The following HPSE2 variants were observed in gnomAD, a reference collection of about 807,000 sequenced individuals.
HPSE2 encodes inactive heparanase-2.
HPSE2 carries 38 observed loss-of-function variants against 60.5 expected under a neutral mutation model. The ratio of observed to expected loss-of-function variants is 0.63; its 90% CI spans 0.48 to 0.82. The LOEUF is 0.82. Among genes scored for constraint, HPSE2 ranks in the 40% least tolerant of loss-of-function variants. HPSE2 has a pLI of 0.00. For missense variants in HPSE2, 713 were observed against 740.4 expected, an observed-to-expected ratio of 0.96 and a Z score of 0.43; for synonymous variants, 295 against 293.2, an observed-to-expected ratio of 1.01 and a Z score of -0.06.
At chr10:98,566,147 C>T (rs1450823921) in intron 9 of HPSE2, among the ~76,000 whole-genome samples, 6 of 152,154 alleles carry the variant, frequency 3.9e-5, no homozygotes, top group African/African-American at 1.4e-4. Flanking sequence ...TTCTTGAATC[C>T]TCACAACCCT....
chr10:98,488,104 G>A (rs1941506264), intron 10 of HPSE2, among the ~76,000 whole-genome samples: 2 of 152,186 alleles, frequency 1.3e-5, no homozygotes, highest in Admixed American at 6.5e-5. Context: ...CAGTGACACC[G>A]TTTCTCTAGA....
chr10:99,020,813 T>C (rs1957245626), intron 3 of HPSE2, among the ~76,000 whole-genome samples: 3 of 152,254 alleles, frequency 2.0e-5, no homozygotes, highest in Admixed American at 6.5e-5. Context: ...AGGGAGACAT[T>C]CTAGGTGATT....
At chr10:98,556,357 G>A (rs1944008041) in intron 9 of HPSE2, among the ~76,000 whole-genome samples, 1 of 152,198 alleles carries the variant, frequency 6.6e-6, no homozygotes, top group African/African-American at 2.4e-5. Context: ...TCGATTCAAA[G>A]ATGAGTAATA....
chr10:98,798,044 C>G (rs1160459091), intron 3 of HPSE2, among the ~76,000 whole-genome samples: 1 of 151,744 alleles, frequency 6.6e-6, no homozygotes, highest in East Asian at 1.9e-4. Flanking sequence ...TCCCAAAGGT[C>G]AAGAATAAGG....
At chr10:98,662,996 G>A (rs575799905) in intron 6 of HPSE2, among the ~76,000 whole-genome samples, 81 of 152,304 alleles carry the variant, frequency 5.3e-4, no homozygotes, top group Non-Finnish European at 1.2e-4. Context: ...GACCACAAGA[G>A]TTTAGAAATA....
chr10:99,205,677 G>A lies in HPSE2; in HGVS notation c.448+26671C>T, dbSNP rs376837700. Among the ~76,000 whole-genome samples, 13 of 152,166 alleles carry A rather than the reference G, an allele frequency of 8.5e-5. No homozygotes were observed. In the East Asian group the frequency reaches 9.6e-4, roughly 11 times the overall value. ...ACCTACACAAACACAAACTGGACACGCCAATTCACAGTCAAAAGAAATGTA... is the reference window on the plus strand; with the variant it reads ...ACCTACACAAACACAAACTGGACACACCAATTCACAGTCAAAAGAAATGTA... On this transcript the variant is annotated intron_variant, in intron 2 of 11. Transcript: ENST00000370552.
intron 3 of HPSE2, among the ~76,000 whole-genome samples, chr10:99,109,865 G>A (rs551659976): frequency 6.6e-6 from 1 of 152,200 alleles, no homozygotes; most frequent in African/African-American, 2.4e-5. Flanking sequence ...AATATGAGTC[G>A]GGTTGTGGAG....
intron 4 of HPSE2, among the ~76,000 whole-genome samples, chr10:98,723,749 CGT>C (rs1565111339): frequency 6.6e-6 from 1 of 152,090 alleles, no homozygotes; most frequent in Non-Finnish European, 1.5e-5. Context: ...AGTTTATTTG[CGT>C]AGAGGTGTTT....
intron 3 of HPSE2, among the ~76,000 whole-genome samples, chr10:98,807,610 G>C (rs1371625319): frequency 3.9e-5 from 6 of 152,172 alleles, no homozygotes; most frequent in Non-Finnish European, 8.8e-5. Context: ...CTGATAACAC[G>C]ATGGATTCCA....
intron 5 of HPSE2, among the ~76,000 whole-genome samples, chr10:98,697,895 G>T (rs1308388211): frequency 6.6e-6 from 1 of 151,648 alleles, no homozygotes. Context: ...GACAAAGAAG[G>T]CCATTACATA....
the HPSE2 span, among the ~76,000 whole-genome samples, chr10:99,310,664 T>C: frequency 1.3e-5 from 2 of 152,176 alleles, no homozygotes; most frequent in African/African-American, 4.8e-5. Flanking sequence ...TCCCGCTCTG[T>C]CGCTCAGGCT....
At chr10:98,663,830 G>A (rs938059525) in intron 6 of HPSE2, among the ~76,000 whole-genome samples, 4 of 152,124 alleles carry the variant, frequency 2.6e-5, no homozygotes, top group Admixed American at 6.5e-5. Context: ...CTACCATAAC[G>A]CCAGTAGTGG....
intron 3 of HPSE2, among the ~76,000 whole-genome samples, chr10:99,002,317 C>G (rs1205243442): frequency 2.6e-5 from 4 of 152,090 alleles, no homozygotes; most frequent in Non-Finnish European, 5.9e-5. Flanking sequence ...TAACTCTCCA[C>G]TCTTTAAGTG....
At chr10:98,634,332 A>T (rs1589543068) in intron 7 of HPSE2, among the ~76,000 whole-genome samples, 1 of 152,198 alleles carries the variant, frequency 6.6e-6, no homozygotes, top group East Asian at 1.9e-4. Context: ...AATATTGCCA[A>T]ATGAATGAGG....
At chr10:99,279,062 T>A in the HPSE2 span, among the ~76,000 whole-genome samples, 2 of 152,078 alleles carry the variant, frequency 1.3e-5, no homozygotes. Context: ...CTCCTAGTTG[T>A]TGAGCTCATA....
At chr10:98,904,376 C>A (rs946984511) in intron 3 of HPSE2, among the ~76,000 whole-genome samples, 3 of 152,076 alleles carry the variant, frequency 2.0e-5, no homozygotes, top group African/African-American at 7.2e-5. Context: ...AGATAGTAAG[C>A]TTGACAAGAA....
At chr10:99,232,634 C>T in intron 1 of HPSE2, 129 bp from the exon 2 acceptor site, 1 of 1,067,420 alleles carries the variant, frequency 9.4e-7, no homozygotes, top group African/African-American at 1.6e-5. Flanking sequence ...GTGCCTGCCC[C>T]AGCCGGCAGT....
chr10:99,263,740 A>T, the HPSE2 span, among the ~76,000 whole-genome samples: 1 of 152,140 alleles, frequency 6.6e-6, no homozygotes, highest in African/African-American at 2.4e-5. Flanking sequence ...CCAAAAAAAA[A>T]AAATCTCCTT....
At chr10:98,825,654 A>AT (rs1322360727) in intron 3 of HPSE2, among the ~76,000 whole-genome samples, 3 of 151,942 alleles carry the variant, frequency 2.0e-5, no homozygotes, top group Admixed American at 2.0e-4. Context: ...GTGAAACCTA[A>AT]TTGGTGTAAG....
Sources: allele counts gnomAD v4.1 joint callset (sites outside exome capture counted in the v4.1 genomes callset), GRCh38; gene constraint gnomAD v4.1.1; transcripts MANE v1.5; gene names NCBI Gene and HGNC (gene_info 2026-07-23, HGNC 2026-07-21).